The following AGMO variants were observed in gnomAD, a reference collection of about 807,000 sequenced individuals.
AGMO encodes glyceryl-ether monooxygenase.
A neutral mutation model predicts 60.2 loss-of-function variants in AGMO; 75 were observed. The observed-to-expected ratio is 1.25, with a 90% CI of 1.03 to 1.51. The LOEUF is 1.51. Among genes scored for constraint, AGMO ranks in the 40% most tolerant of loss-of-function variants. The probability of loss-of-function intolerance (pLI) is 0.00; values close to 1 mark genes in which losing one functional copy is unlikely to be tolerated. For missense variants in AGMO, 763 were observed against 525.5 expected, an observed-to-expected ratio of 1.45 and a Z score of -4.42; for synonymous variants, 261 against 177.1, an observed-to-expected ratio of 1.47 and a Z score of -3.76.
At chr7:15,471,966 A>C (rs1442856012) in intron 3 of AGMO, among the ~76,000 whole-genome samples, 1 of 151,884 alleles carries the variant, frequency 6.6e-6, no homozygotes, top group African/African-American at 2.4e-5. Context: ...AGACCAGAGC[A>C]TGAAAACAAA....
At chr7:15,384,935 G>T (rs1238434673) in intron 10 of AGMO, among the ~76,000 whole-genome samples, 6 of 149,128 alleles carry the variant, frequency 4.0e-5, no homozygotes, top group African/African-American at 1.2e-4. Context: ...TCCCCAAAGT[G>T]GCGATCCCTG....
intron 3 of AGMO, among the ~76,000 whole-genome samples, chr7:15,455,036 C>A (rs912278057): frequency 3.3e-5 from 5 of 151,350 alleles, no homozygotes; most frequent in Non-Finnish European, 7.4e-5. Flanking sequence ...ACGGTAGATG[C>A]AGATTTACTC....
intron 10 of AGMO, among the ~76,000 whole-genome samples, chr7:15,377,099 G>T (rs1383098122): frequency 1.3e-5 from 2 of 152,030 alleles, no homozygotes; most frequent in Non-Finnish European, 2.9e-5. Context: ...TGGCTACAGT[G>T]AATCTGGAAA....
Position 15,354,471 on chromosome 7 carries a change from TAC to T in AGMO, c.1263+11041_1263+11042del, listed in dbSNP as rs1297020147. ...GTGTGTGTATACACACGTGTGTGTATACACACGTGTGTATATACACACGTGTA... is the reference window on the plus strand; with the variant it reads ...GTGTGTGTATACACACGTGTGTGTATACACGTGTGTATATACACACGTGTA... On this transcript the variant is annotated intron_variant, in intron 12 of 12. Transcript: ENST00000342526. Among the ~76,000 whole-genome samples, 124 of 23,630 alleles carry T rather than the reference TAC, an allele frequency of 5.2e-3. 10 individuals are homozygous for T. The highest frequency in any genetic ancestry group is 0.024 in the African/African-American group (108 of 4,522). The allele number at this position is 23,630 out of a possible 152,430, so 15.5% of individuals were successfully genotyped here.
At chr7:15,120,102 C>T in the AGMO span, among the ~76,000 whole-genome samples, 1 of 151,934 alleles carries the variant, frequency 6.6e-6, no homozygotes, top group Non-Finnish European at 1.5e-5. Flanking sequence ...GCAATTTACC[C>T]TCTCCCTACC....
chr7:15,140,304 C>A, the AGMO span, among the ~76,000 whole-genome samples: 2 of 152,058 alleles, frequency 1.3e-5, no homozygotes, highest in Non-Finnish European at 2.9e-5. Flanking sequence ...AAACAACTGT[C>A]AGTCAAATTA....
At chr7:15,427,185 T>C (rs1781089395) in intron 4 of AGMO, among the ~76,000 whole-genome samples, 1 of 152,230 alleles carries the variant, frequency 6.6e-6, no homozygotes. Flanking sequence ...CTACTGTTGA[T>C]GGCTCATTCT....
intron 12 of AGMO, among the ~76,000 whole-genome samples, chr7:15,258,000 T>G (rs1462068278): frequency 6.6e-6 from 1 of 152,216 alleles, no homozygotes. Context: ...TAGCATAGTA[T>G]GAAAACTCAG....
chr7:15,421,416 ATCTTTTTAAGCATG>A (rs1282828476), intron 4 of AGMO, among the ~76,000 whole-genome samples: 1 of 152,184 alleles, frequency 6.6e-6, no homozygotes, highest in African/African-American at 2.4e-5. Context: ...AACAATTCAC[ATCTTTTTAAGCATG>A]TAAGAGATGG....
chr7:15,246,338 C>G (rs1399134624), intron 12 of AGMO, among the ~76,000 whole-genome samples: 1 of 152,154 alleles, frequency 6.6e-6, no homozygotes, highest in African/African-American at 2.4e-5. Flanking sequence ...GTTATTAAAA[C>G]AGTCTCCAAA....
intron 3 of AGMO, among the ~76,000 whole-genome samples, chr7:15,494,873 A>T (rs950707565): frequency 6.6e-6 from 1 of 152,236 alleles, no homozygotes; most frequent in Non-Finnish European, 1.5e-5. Context: ...AAAATTCCTT[A>T]GGTCTCAGAC....
intron 3 of AGMO, among the ~76,000 whole-genome samples, chr7:15,505,540 G>A (rs116003113): frequency 5.9e-5 from 9 of 151,836 alleles, no homozygotes; most frequent in Non-Finnish European, 7.4e-5. Flanking sequence ...CTCTCCCTTC[G>A]ATTCGTTTCC....
Position 15,345,700 on chromosome 7 carries a change from A to C in AGMO, c.1263+19814T>G, listed in dbSNP as rs542279459. Among the ~76,000 whole-genome samples the C allele has an allele frequency of 6.6e-5, 10 of 152,242 alleles. No individual in the cohort carries two copies. The South Asian group carries it at 2.1e-3, about 32-fold the overall frequency. ...GTACCCTAAGTTCTTTATACACAGA[A>C]TTTCATTTAATTGTTACAACAATCC... On this transcript the variant is annotated intron_variant, in intron 12 of 12. Coordinates refer to ENST00000342526, the MANE Select transcript of AGMO (RefSeq NM_001004320.2).
At chr7:15,148,157 C>A in the AGMO span, among the ~76,000 whole-genome samples, 4 of 151,392 alleles carry the variant, frequency 2.6e-5, no homozygotes, top group East Asian at 1.9e-4. Flanking sequence ...ATATTTTGGA[C>A]CTTCTTGGTG....
At chr7:15,385,137 G>C (rs550774889) in intron 10 of AGMO, among the ~76,000 whole-genome samples, 1 of 152,240 alleles carries the variant, frequency 6.6e-6, no homozygotes, top group Non-Finnish European at 1.5e-5. Flanking sequence ...ATTTAATTCT[G>C]ACTTCTGAAG....
intron 12 of AGMO, among the ~76,000 whole-genome samples, chr7:15,229,606 C>G (rs990616590): frequency 6.7e-6 from 1 of 148,720 alleles, no homozygotes; most frequent in Non-Finnish European, 1.5e-5. Context: ...GCCAACTTCA[C>G]AAAACTTTCA....
intron 12 of AGMO, among the ~76,000 whole-genome samples, chr7:15,349,186 C>A (rs1239129085): frequency 1.3e-5 from 2 of 152,214 alleles, no homozygotes; most frequent in Non-Finnish European, 2.9e-5. Context: ...CAAGGACTCT[C>A]AGAAAACCTT....
chr7:15,394,399 C>T (rs13247611), intron 5 of AGMO, among the ~76,000 whole-genome samples: 40,383 of 152,038 alleles, frequency 0.27, 5,930 homozygotes, highest in Middle Eastern at 0.43. Flanking sequence ...AGTATGGTGT[C>T]GTGGTTAAGA....
At chr7:15,540,438 A>G (rs1784595385) in intron 3 of AGMO, among the ~76,000 whole-genome samples, 1 of 152,198 alleles carries the variant, frequency 6.6e-6, no homozygotes. Flanking sequence ...TCCAAGTGCC[A>G]GACAGAAAAG....
Sources: allele counts gnomAD v4.1 joint callset (sites outside exome capture counted in the v4.1 genomes callset), GRCh38; gene constraint gnomAD v4.1.1; transcripts MANE v1.5; gene names NCBI Gene and HGNC (gene_info 2026-07-23, HGNC 2026-07-21).